CAST: variants seen among roughly 807,000 people sequenced by gnomAD.
CAST encodes the protein MIR583 host.
In CAST, 76 loss-of-function variants were observed where a neutral mutation model predicts 119.6. That is an observed-to-expected ratio of 0.64 (90% CI 0.53 to 0.77). The LOEUF (loss-of-function observed/expected upper bound fraction) is 0.77. Among genes scored for constraint, CAST ranks in the 30% least tolerant of loss-of-function variants. The probability of loss-of-function intolerance (pLI) is 0.00; values close to 1 mark genes in which losing one functional copy is unlikely to be tolerated. For synonymous variants in CAST, 319 were observed against 331.6 expected, an observed-to-expected ratio of 0.96 and a Z score of 0.41; for missense variants, 953 against 946.5, an observed-to-expected ratio of 1.01 and a Z score of -0.09.
chr5:96,330,966 T>C, the CAST span, among the ~76,000 whole-genome samples: 1 of 152,204 alleles, frequency 6.6e-6, no homozygotes, highest in Non-Finnish European at 1.5e-5. Context: ...CCACTGCATA[T>C]CTGCTGGGAT....
At chr5:96,221,672 G>T in the CAST span, among the ~76,000 whole-genome samples, 1 of 152,084 alleles carries the variant, frequency 6.6e-6, no homozygotes, top group Non-Finnish European at 1.5e-5. Flanking sequence ...TCATTAAAAT[G>T]ACTGTGCTGC....
At chr5:96,636,801 C>T (rs1406710590) in intron 1 of CAST, among the ~76,000 whole-genome samples, 1 of 152,088 alleles carries the variant, frequency 6.6e-6, no homozygotes, top group African/African-American at 2.4e-5. Context: ...TCCCTTACGA[C>T]ATTTGCAGAA....
At chr5:95,985,883 G>A in the CAST span, among the ~76,000 whole-genome samples, 1 of 152,170 alleles carries the variant, frequency 6.6e-6, no homozygotes, top group Non-Finnish European at 1.5e-5. Context: ...GATATTTGAA[G>A]TGGCTTTTTC....
chr5:96,109,096 G>A, the CAST span, among the ~76,000 whole-genome samples: 24 of 151,542 alleles, frequency 1.6e-4, no homozygotes, highest in Non-Finnish European at 2.2e-4. Flanking sequence ...CGCACGGTGC[G>A]TGCACCCACT....
At chr5:96,014,284 CA>C in the CAST span, among the ~76,000 whole-genome samples, 1 of 152,014 alleles carries the variant, frequency 6.6e-6, no homozygotes, top group East Asian at 1.9e-4. Context: ...GGAAGGTTAT[CA>C]GGGGCAGTAA....
the CAST span, among the ~76,000 whole-genome samples, chr5:96,444,736 C>T: frequency 0.017 from 2,525 of 151,968 alleles, 69 homozygotes; most frequent in African/African-American, 0.058. Flanking sequence ...TATTTGTTTG[C>T]TTGTTTTGTT....
intron 3 of CAST, among the ~76,000 whole-genome samples, chr5:96,697,868 G>A (rs541797968): frequency 6.6e-6 from 1 of 152,200 alleles, no homozygotes; most frequent in African/African-American, 2.4e-5. Flanking sequence ...CTGGCATTTA[G>A]CAGGTGCTGG....
At chr5:96,443,163 C>T in the CAST span, among the ~76,000 whole-genome samples, 1 of 152,196 alleles carries the variant, frequency 6.6e-6, no homozygotes, top group Non-Finnish European at 1.5e-5. Flanking sequence ...TCAGGTGATC[C>T]TTTGCTCATG....
intron 1 of CAST, among the ~76,000 whole-genome samples, chr5:96,550,033 G>T (rs116763034): frequency 6.6e-6 from 1 of 152,212 alleles, no homozygotes. Flanking sequence ...GTCCCTGCCC[G>T]ACAGCTCTCA....
intron 31 of CAST, 122 bp from the exon 32 acceptor site, chr5:96,772,517 AC>A (rs1772817261): frequency 6.5e-6 from 1 of 152,702 alleles, no homozygotes; most frequent in East Asian, 1.9e-4. Context: ...TTTCATGTTT[AC>A]TTATAGGAAA....
chr5:96,752,961 TACACACACACACAC>T (rs112835890), intron 20 of CAST, among the ~76,000 whole-genome samples: 3 of 143,320 alleles, frequency 2.1e-5, no homozygotes, highest in Non-Finnish European at 3.0e-5. Flanking sequence ...ATGCATTTTA[TACACACACACACAC>T]ACACACACAC....
At chr5:96,522,094 C>T (rs771146606), upstream of CAST, among the ~76,000 whole-genome samples, 8 of 151,070 alleles carry the variant, frequency 5.3e-5, no homozygotes, top group South Asian at 2.1e-4. Flanking sequence ...CCAGCCTGGG[C>T]GACAGAGCAA....
At chr5:96,167,875 A>C in the CAST span, among the ~76,000 whole-genome samples, 10 of 152,184 alleles carry the variant, frequency 6.6e-5, no homozygotes, top group Admixed American at 2.0e-4. Context: ...CCCGAGCTTC[A>C]TGTGTAGGGA....
chr5:96,229,785 G>C, the CAST span, among the ~76,000 whole-genome samples: 28 of 152,228 alleles, frequency 1.8e-4, no homozygotes, highest in African/African-American at 6.7e-4. Flanking sequence ...GAAATGTGAA[G>C]AGGAAAACTG....
the CAST span, among the ~76,000 whole-genome samples, chr5:96,150,593 A>G: frequency 6.6e-6 from 1 of 152,202 alleles, no homozygotes; most frequent in African/African-American, 2.4e-5. Flanking sequence ...TGCTGTATTG[A>G]GAATGGCCAG....
intron 29 of CAST, 124 bp from the exon 30 acceptor site, chr5:96,770,407 A>G (rs111697869): frequency 0.024 from 14,922 of 632,590 alleles, 266 homozygotes; most frequent in Non-Finnish European, 0.035. Context: ...AAAACACCCA[A>G]AGTCTTCCAT....
At chr5:96,086,345 C>T in the CAST span, among the ~76,000 whole-genome samples, 1 of 152,120 alleles carries the variant, frequency 6.6e-6, no homozygotes, top group East Asian at 1.9e-4. Context: ...GAAGCCTCAA[C>T]AATTAGCAGA....
At chr5:96,302,086 C>T in the CAST span, among the ~76,000 whole-genome samples, 1,065 of 152,284 alleles carry the variant, frequency 7.0e-3, 16 homozygotes, top group African/African-American at 0.024. Context: ...TGGAGGATCC[C>T]AAGCCTCAAC....
chr5:96,763,024 A>C (rs1490358386), intron 25 of CAST: 1 of 702,684 alleles, frequency 1.4e-6, no homozygotes, highest in Non-Finnish European at 2.6e-6. Flanking sequence ...AGACCACAGC[A>C]CATCAAATTA....
Sources: allele counts gnomAD v4.1 joint callset (sites outside exome capture counted in the v4.1 genomes callset), GRCh38; gene constraint gnomAD v4.1.1; transcripts MANE v1.5; gene names NCBI Gene and HGNC (gene_info 2026-07-23, HGNC 2026-07-21).